Variants in LRP2BP observed in about 807,000 individuals in gnomAD.
The protein encoded by LRP2BP is LRP2 binding protein.
A neutral mutation model predicts 45.2 loss-of-function variants in LRP2BP; 38 were observed. The observed-to-expected ratio is 0.84, with a 90% CI of 0.65 to 1.10. The LOEUF is 1.10. Ranked by LOEUF, LRP2BP falls within the 50% of genes least tolerant of loss-of-function variation. LRP2BP has a pLI of 0.00. For synonymous variants in LRP2BP, 153 were observed against 153.9 expected, an observed-to-expected ratio of 0.99 and a Z score of 0.04; for missense variants, 385 against 418.9, an observed-to-expected ratio of 0.92 and a Z score of 0.71.
At position 185,365,689 on chromosome 4, in the gene LRP2BP, A is replaced by AT. The variant is rs1446001297; in HGVS notation, c.*1490_*1491insA. 2.4e-3 allele frequency: 353 copies of AT among 146,406 alleles called. 1 individual carries two copies. The highest frequency in any genetic ancestry group is 8.6e-3 in the African/African-American group (338 of 39,308). The allele number at this position is 146,406 out of a possible 1,614,324, so 9.1% of individuals were successfully genotyped here. ...CAGGAGACTCCGTCTCAAAAAAAAA[A>AT]AAATAATAATAATAATAATAATAAT... On this transcript the variant is annotated 3_prime_UTR_variant, in exon 9 of 9. Transcript: ENST00000505916.
chr4:185,370,932 A>G, intron 7 of LRP2BP, 118 bp from the exon 8 acceptor site: 1 of 1,126,018 alleles, frequency 8.9e-7, no homozygotes. Context: ...TGCTTTGAGA[A>G]CTAAGTTGTT....
chr4:185,379,088 G>T, intron 1 of LRP2BP: 1 of 531,750 alleles, frequency 1.9e-6, no homozygotes, highest in Non-Finnish European at 2.4e-6. Context: ...TTATCTTTGT[G>T]ATTTTGGAAG....
intron 1 of LRP2BP, among the ~76,000 whole-genome samples, chr4:185,384,068 A>G (rs2095463274): frequency 6.6e-6 from 1 of 152,122 alleles, no homozygotes; most frequent in African/African-American, 2.4e-5. Flanking sequence ...GTGTCCCTCC[A>G]AAGTTCACAT....
Position 185,395,763 on chromosome 4 carries a change from T to C in LRP2BP, c.-1006A>G. ...ACCACTTATCTTTAGAGGACAAGCA[T>C]GAACTTGTTTTCTAACAGCATAACA... On this transcript the variant is annotated 5_prime_UTR_variant, in exon 1 of 9. It removes an upstream start codon present in the reference 5' UTR. Transcript: ENST00000505916. The C allele has an allele frequency of 1.0e-6, 1 of 985,404 alleles. No homozygotes were observed. The highest frequency in any genetic ancestry group is 1.2e-6 in the Non-Finnish European group (1 of 829,914). The allele number at this position is 985,404 out of a possible 1,614,324, so 61.0% of individuals were successfully genotyped here.
At chr4:185,391,264 A>C (rs1212886614) in intron 1 of LRP2BP, among the ~76,000 whole-genome samples, 1 of 152,222 alleles carries the variant, frequency 6.6e-6, no homozygotes, top group Non-Finnish European at 1.5e-5. Context: ...TCACATCATC[A>C]ACAGGACTTT....
At position 185,394,778 on chromosome 4, in the gene LRP2BP, C is replaced by T. The variant is rs1287943216; in HGVS notation, c.-22+1G>A. The T allele has an allele frequency of 1.0e-6, 1 of 985,256 alleles. No homozygotes were observed. Among genetic ancestry groups the T allele is most frequent in the East Asian group, 1.1e-4 (1 of 8,828 alleles). 61.0% of individuals were successfully genotyped at this position (985,256 alleles called of 1,614,324 possible). On this transcript the variant is annotated splice_donor_variant, in intron 1 of 8. Transcript: ENST00000505916. LOFTEE classifies it low-confidence loss of function (5UTR_SPLICE). ...CATCTCTCATCTATTCGGTCACTTA[C>T]TCATCATCCAACGTTTTTTTTAACA...
At chr4:185,387,952 C>T (rs1314682483) in intron 1 of LRP2BP, among the ~76,000 whole-genome samples, 1 of 152,194 alleles carries the variant, frequency 6.6e-6, no homozygotes. Flanking sequence ...CCCACTGTCC[C>T]GTGGAAGTGG....
At chr4:185,396,880 T>A (rs202070767), upstream of LRP2BP, 11 of 1,609,342 alleles carry the variant, frequency 6.8e-6, no homozygotes, top group East Asian at 2.5e-4. Flanking sequence ...GTGTCTCACC[T>A]CTCTGCACTT....
At chr4:185,391,608 A>T (rs2095488628) in intron 1 of LRP2BP, among the ~76,000 whole-genome samples, 1 of 152,108 alleles carries the variant, frequency 6.6e-6, no homozygotes, top group South Asian at 2.1e-4. Flanking sequence ...AGTTTTGGCC[A>T]TTGGGAGCTC....
intron 1 of LRP2BP, chr4:185,379,124 A>G (rs1475391833): frequency 3.4e-6 from 1 of 293,560 alleles, no homozygotes. Context: ...TTAAGAGTCA[A>G]TTTCCTCATC....
intron 1 of LRP2BP, among the ~76,000 whole-genome samples, chr4:185,387,660 G>A (rs2095475620): frequency 6.6e-6 from 1 of 152,190 alleles, no homozygotes; most frequent in South Asian, 2.1e-4. Context: ...ATATTGTGGT[G>A]AGGTTACAAA....
At position 185,375,640 on chromosome 4, in the gene LRP2BP, A is replaced by G. The variant is rs774014109; in HGVS notation, c.303T>C (p.Tyr101=). The stretch of plus-strand genomic sequence containing the variant: ...CGTCTAGAGTGGTCCCCAGCCCATC[A>G]TAGTACATCACTCCTAGCTGGTAAG... ...QATYQLGVMY[Y]DGLGTTLDAE... Residue 101 remains tyrosine, a synonymous_variant, in exon 4 of 9, where the codon TAT becomes TAC. Transcript: ENST00000505916. The G allele has an allele frequency of 5.6e-6, 9 of 1,610,758 alleles. No individual in the cohort carries two copies. Among genetic ancestry groups the G allele is most frequent in the Non-Finnish European group, 5.9e-6 (7 of 1,178,670 alleles).
intron 1 of LRP2BP, among the ~76,000 whole-genome samples, chr4:185,385,910 G>GT (rs1554020211): frequency 2.4e-5 from 2 of 81,952 alleles, no homozygotes; most frequent in East Asian, 5.2e-4. Flanking sequence ...CGGGGAGGGG[G>GT]GGGGGGAGAT....
At chr4:185,371,899 C>T (rs2095417411) in intron 7 of LRP2BP, among the ~76,000 whole-genome samples, 3 of 151,924 alleles carry the variant, frequency 2.0e-5, no homozygotes, top group Admixed American at 6.6e-5. Context: ...GGAGACCTGG[C>T]GCTGTGGGAA....
At chr4:185,387,558 T>G (rs2095475310) in intron 1 of LRP2BP, among the ~76,000 whole-genome samples, 1 of 152,202 alleles carries the variant, frequency 6.6e-6, no homozygotes, top group Non-Finnish European at 1.5e-5. Context: ...ATAAACATAC[T>G]GTGTTTCAGA....
chr4:185,396,892 C>T (rs763683249), upstream of LRP2BP: 8 of 1,612,486 alleles, frequency 5.0e-6, no homozygotes, highest in South Asian at 3.3e-5. Context: ...TCTGCACTTC[C>T]AAGGACTCTT....
At chr4:185,378,764 G>A (rs1456827427) in intron 1 of LRP2BP, 6 of 985,468 alleles carry the variant, frequency 6.1e-6, no homozygotes, top group Non-Finnish European at 7.2e-6. Context: ...AAAATGTAGC[G>A]GTCACCTCAT....
intron 7 of LRP2BP, among the ~76,000 whole-genome samples, chr4:185,371,491 G>A (rs367821808): frequency 4.8e-5 from 7 of 144,948 alleles, no homozygotes; most frequent in Non-Finnish European, 1.0e-4. Context: ...GCAGTGAGCC[G>A]AGATCGCACC....
upstream of LRP2BP, chr4:185,395,971 G>T: frequency 1.1e-6 from 1 of 940,716 alleles, no homozygotes; most frequent in Non-Finnish European, 1.3e-6. Flanking sequence ...GTCAGGTCAT[G>T]TTCTACAAAA....
Sources: allele counts gnomAD v4.1 joint callset (sites outside exome capture counted in the v4.1 genomes callset), GRCh38; gene constraint gnomAD v4.1.1; transcripts MANE v1.5; gene names NCBI Gene and HGNC (gene_info 2026-07-23, HGNC 2026-07-21).